PRKCA: variants seen among roughly 807,000 people sequenced by gnomAD.
The protein encoded by PRKCA is protein kinase C alpha type.
PRKCA carries 27 observed loss-of-function variants against 87.0 expected under a neutral mutation model. That is an observed-to-expected ratio of 0.31 (90% CI 0.23 to 0.43). The LOEUF is 0.43. Ranked by LOEUF, PRKCA falls within the 20% of genes least tolerant of loss-of-function variation. The pLI is 1.00. For synonymous variants in PRKCA, 329 were observed against 311.1 expected (o/e 1.06, Z -0.61); for missense variants, 518 against 852.3 (o/e 0.61, Z 4.88).
At chr17:66,321,119 T>C (rs1862966335) in intron 2 of PRKCA, among the ~76,000 whole-genome samples, 1 of 152,234 alleles carries the variant, frequency 6.6e-6, no homozygotes, top group African/African-American at 2.4e-5. Context: ...TATGTATGCT[T>C]TTTTCAATGT....
At chr17:66,380,331 A>G (rs987744316) in intron 2 of PRKCA, among the ~76,000 whole-genome samples, 8 of 152,226 alleles carry the variant, frequency 5.3e-5, no homozygotes, top group East Asian at 1.9e-4. Context: ...AGTTTTACTC[A>G]GGGAGTAAGT....
intron 2 of PRKCA, among the ~76,000 whole-genome samples, chr17:66,383,199 C>T (rs986383716): frequency 6.6e-6 from 1 of 151,946 alleles, no homozygotes; most frequent in Non-Finnish European, 1.5e-5. Context: ...CTTTTAATTT[C>T]TAGTTATTTC....
intron 8 of PRKCA, among the ~76,000 whole-genome samples, chr17:66,715,734 GT>G (rs140265021): frequency 1.6e-4 from 24 of 149,362 alleles, no homozygotes; most frequent in African/African-American, 4.7e-4. Flanking sequence ...AAAGGATACA[GT>G]TTTTTTTTTG....
At chr17:66,499,115 G>A (rs1207078313) in intron 3 of PRKCA, among the ~76,000 whole-genome samples, 1 of 151,930 alleles carries the variant, frequency 6.6e-6, no homozygotes, top group Non-Finnish European at 1.5e-5. Flanking sequence ...GCAGTCAGAA[G>A]TGGGGTATGT....
intron 14 of PRKCA, among the ~76,000 whole-genome samples, chr17:66,780,590 C>T (rs927884514): frequency 2.6e-5 from 4 of 151,952 alleles, no homozygotes; most frequent in South Asian, 2.1e-4. Context: ...GTGGGAGAAT[C>T]GCTTGAACCT....
At chr17:66,437,958 A>T (rs1245870771) in intron 2 of PRKCA, among the ~76,000 whole-genome samples, 1 of 151,290 alleles carries the variant, frequency 6.6e-6, no homozygotes, top group African/African-American at 2.4e-5. Flanking sequence ...TTTTGCAAGT[A>T]TACTCAAGGA....
chr17:66,727,499 TCCAGCA>T (rs1973786291), intron 8 of PRKCA, among the ~76,000 whole-genome samples: 1 of 152,174 alleles, frequency 6.6e-6, no homozygotes, highest in Non-Finnish European at 1.5e-5. Context: ...CTGGGTCAAA[TCCAGCA>T]CCATGTTGGG....
intron 2 of PRKCA, among the ~76,000 whole-genome samples, chr17:66,472,136 T>A (rs1247792110): frequency 6.6e-6 from 1 of 152,144 alleles, no homozygotes; most frequent in Non-Finnish European, 1.5e-5. Flanking sequence ...GCTAATTTTT[T>A]AAATTTCTGC....
chr17:66,546,895 C>T (rs934916629), intron 3 of PRKCA, among the ~76,000 whole-genome samples: 1 of 152,164 alleles, frequency 6.6e-6, no homozygotes, highest in Non-Finnish European at 1.5e-5. Context: ...TACCACATCA[C>T]ATATGGTGTA....
chr17:66,775,997 T>C (rs903891685), intron 14 of PRKCA, among the ~76,000 whole-genome samples: 1 of 151,998 alleles, frequency 6.6e-6, no homozygotes, highest in African/African-American at 2.4e-5. Context: ...CTAAAGGAAG[T>C]ATGGGGTTGT....
At chr17:66,668,914 G>A (rs1972105298) in intron 5 of PRKCA, among the ~76,000 whole-genome samples, 1 of 152,004 alleles carries the variant, frequency 6.6e-6, no homozygotes, top group Non-Finnish European at 1.5e-5. Flanking sequence ...ACCAGCCTGG[G>A]CAACATAGCA....
intron 8 of PRKCA, among the ~76,000 whole-genome samples, chr17:66,722,338 C>T (rs958453508): frequency 6.6e-6 from 1 of 152,168 alleles, no homozygotes; most frequent in African/African-American, 2.4e-5. Flanking sequence ...CCATCCAGCC[C>T]CTCATAGATA....
At chr17:66,640,908 C>T (rs985605285) in intron 3 of PRKCA, 8 of 415,358 alleles carry the variant, frequency 1.9e-5, no homozygotes, top group Non-Finnish European at 3.8e-5. Context: ...CGCCTGTAAT[C>T]CCAGCACTTT....
chr17:66,672,104 AAAAG>A (rs1286716805), intron 5 of PRKCA, among the ~76,000 whole-genome samples: 1 of 152,252 alleles, frequency 6.6e-6, no homozygotes, highest in Non-Finnish European at 1.5e-5. Context: ...TTGTAAGCCT[AAAAG>A]AAATGGAAAA....
At chr17:66,433,931 C>T (rs1436221974) in intron 2 of PRKCA, among the ~76,000 whole-genome samples, 1 of 152,082 alleles carries the variant, frequency 6.6e-6, no homozygotes, top group Non-Finnish European at 1.5e-5. Context: ...CCCTGAGGAC[C>T]CTCAGTCTTC....
Position 66,781,866 on chromosome 17 carries a change from GAGAT to G in PRKCA, c.1606-4999_1606-4996del, listed in dbSNP as rs1555648683. On this transcript the variant is annotated intron_variant, in intron 14 of 16. Coordinates refer to ENST00000413366, the MANE Select transcript of PRKCA (RefSeq NM_002737.3). ...AAATTTTGTGAGAGAGAGAGAGAGA[GAGAT>G]ATATATATATATATATAGTGTGTGT... Among the ~76,000 whole-genome samples, 616 of 132,840 alleles carry G rather than the reference GAGAT, an allele frequency of 4.6e-3. 5 individuals are homozygous for G. The highest frequency in any genetic ancestry group is 6.0e-3 in the Non-Finnish European group (392 of 64,892). The allele number at this position is 132,840 out of a possible 152,430, so 87.1% of individuals were successfully genotyped here. A position where few individuals can be genotyped will look rare whatever the true frequency, so the allele number is the denominator to read the frequency against.
At chr17:66,669,039 C>CT (rs1335791283) in intron 5 of PRKCA, among the ~76,000 whole-genome samples, 3 of 151,854 alleles carry the variant, frequency 2.0e-5, no homozygotes, top group African/African-American at 7.3e-5. Context: ...GAGTTCAAGG[C>CT]TGCAGTGAGC....
At chr17:66,670,918 T>G (rs1403161735) in intron 5 of PRKCA, among the ~76,000 whole-genome samples, 2 of 151,122 alleles carry the variant, frequency 1.3e-5, no homozygotes, top group African/African-American at 2.4e-5. Context: ...CAGAGTATAG[T>G]AAAAGAGTGA....
intron 2 of PRKCA, among the ~76,000 whole-genome samples, chr17:66,481,578 A>T (rs534361591): frequency 3.9e-5 from 6 of 152,238 alleles, no homozygotes; most frequent in African/African-American, 1.4e-4. Context: ...AGGTTTGGCC[A>T]ACTCCTCTTG....
Sources: gnomAD v4.1 joint callset for allele counts (sites outside exome capture counted in the v4.1 genomes callset) on GRCh38, gnomAD v4.1.1 for gene constraint, MANE v1.5 for transcripts, NCBI Gene and HGNC (gene_info 2026-07-23, HGNC 2026-07-21) for gene names.